XKR4: variants seen among roughly 807,000 people sequenced by gnomAD.
XKR4 encodes XK-related protein 4.
Under a neutral mutation model 53.9 loss-of-function variants are expected in XKR4, and 12 were observed. The observed-to-expected ratio is 0.22, with a 90% CI of 0.14 to 0.36. XKR4 has a LOEUF of 0.36. Ranked by LOEUF, XKR4 falls within the 10% of genes least tolerant of loss-of-function variation. The pLI, the probability that XKR4 is intolerant of heterozygous loss-of-function variation, is 1.00. For synonymous variants in XKR4, 354 were observed against 362.4 expected (o/e 0.98, Z 0.26); for missense variants, 799 against 859.5 (o/e 0.93, Z 0.88).
intron 2 of XKR4, among the ~76,000 whole-genome samples, chr8:55,388,179 CT>C (rs1479669779): frequency 6.6e-6 from 1 of 152,114 alleles, no homozygotes; most frequent in Non-Finnish European, 1.5e-5. Context: ...AAACATTTAC[CT>C]TCTTTTCATT....
chr8:55,424,586 GTTC>G (rs1264772480), intron 2 of XKR4, among the ~76,000 whole-genome samples: 1 of 152,200 alleles, frequency 6.6e-6, no homozygotes, highest in Non-Finnish European at 1.5e-5. Flanking sequence ...CAACTGGCAG[GTTC>G]TTCTGCCACG....
intron 2 of XKR4, among the ~76,000 whole-genome samples, chr8:55,403,901 G>A (rs763945518): frequency 6.6e-6 from 1 of 152,150 alleles, no homozygotes; most frequent in Non-Finnish European, 1.5e-5. Flanking sequence ...ATCACATCCC[G>A]GAAGCTCATA....
At chr8:55,457,145 T>C (rs1044257435) in intron 2 of XKR4, among the ~76,000 whole-genome samples, 5 of 128,986 alleles carry the variant, frequency 3.9e-5, no homozygotes, top group African/African-American at 1.4e-4. Flanking sequence ...TTTTTCCTTT[T>C]CTTTTTTTTT....
chr8:55,409,229 C>G (rs1295066993), intron 2 of XKR4, among the ~76,000 whole-genome samples: 2 of 148,420 alleles, frequency 1.3e-5, no homozygotes, highest in African/African-American at 5.0e-5. Flanking sequence ...TGGCAGGCAG[C>G]AAGCAGGCAC....
intron 1 of XKR4, among the ~76,000 whole-genome samples, chr8:55,338,562 T>A (rs1192044141): frequency 6.6e-6 from 1 of 152,186 alleles, no homozygotes; most frequent in Non-Finnish European, 1.5e-5. Context: ...GACACCCTCT[T>A]ATTTACACAT....
At chr8:55,428,206 T>A (rs1379509033) in intron 2 of XKR4, among the ~76,000 whole-genome samples, 1 of 152,174 alleles carries the variant, frequency 6.6e-6, no homozygotes. Context: ...AAGAAAACTC[T>A]GAACAGTATA....
intron 1 of XKR4, among the ~76,000 whole-genome samples, chr8:55,150,356 G>T (rs750488862): frequency 1.3e-5 from 2 of 152,190 alleles, no homozygotes; most frequent in Non-Finnish European, 2.9e-5. Context: ...GTATGTTTTA[G>T]TATATGGGTT....
At chr8:55,256,690 A>C (rs570659564) in intron 1 of XKR4, among the ~76,000 whole-genome samples, 1 of 152,292 alleles carries the variant, frequency 6.6e-6, no homozygotes, top group African/African-American at 2.4e-5. Flanking sequence ...ACTAAATGCT[A>C]AAGGTGGTGG....
intron 1 of XKR4, among the ~76,000 whole-genome samples, chr8:55,215,311 T>C (rs938561439): frequency 6.6e-6 from 1 of 152,228 alleles, no homozygotes; most frequent in Non-Finnish European, 1.5e-5. Flanking sequence ...ATAATAAAGC[T>C]TTTTCTGGAA....
At chr8:55,314,217 AT>A (rs764801110) in intron 1 of XKR4, among the ~76,000 whole-genome samples, 3 of 152,314 alleles carry the variant, frequency 2.0e-5, no homozygotes, top group Non-Finnish European at 4.4e-5. Flanking sequence ...TGTGAGTCAA[AT>A]TATGAGCCAA....
At chr8:55,149,339 A>G (rs947868061) in intron 1 of XKR4, among the ~76,000 whole-genome samples, 1 of 152,310 alleles carries the variant, frequency 6.6e-6, no homozygotes. Flanking sequence ...ATGAAAAAAT[A>G]TAATACTAGA....
chr8:55,443,751 G>A (rs1056197985), intron 2 of XKR4, among the ~76,000 whole-genome samples: 1 of 148,384 alleles, frequency 6.7e-6, no homozygotes, highest in African/African-American at 2.5e-5. Flanking sequence ...TGAGGCAAGG[G>A]AATCACTTGA....
At chr8:55,515,017 C>A (rs1806689538) in intron 2 of XKR4, among the ~76,000 whole-genome samples, 1 of 152,140 alleles carries the variant, frequency 6.6e-6, no homozygotes, top group Admixed American at 6.5e-5. Context: ...TTTTCCCAAC[C>A]AGAAGGAAAT....
At chr8:55,423,473 C>G (rs1804967933) in intron 2 of XKR4, among the ~76,000 whole-genome samples, 1 of 152,088 alleles carries the variant, frequency 6.6e-6, no homozygotes, top group Admixed American at 6.6e-5. Context: ...AAAACGTGGC[C>G]CCTGCTTATT....
chr8:55,363,842 T>A (rs889282068), intron 2 of XKR4, among the ~76,000 whole-genome samples: 25 of 152,196 alleles, frequency 1.6e-4, no homozygotes, highest in African/African-American at 4.8e-4. Flanking sequence ...GTTGCTATTA[T>A]CGTAGTTAAT....
chr8:55,216,104 G>A (rs951292360), intron 1 of XKR4, among the ~76,000 whole-genome samples: 5 of 152,114 alleles, frequency 3.3e-5, no homozygotes, highest in Non-Finnish European at 7.4e-5. Flanking sequence ...TTTTTATAGA[G>A]GAATTAATTA....
chr8:55,348,575 TG>T (rs1370877994), intron 1 of XKR4, among the ~76,000 whole-genome samples: 1 of 151,876 alleles, frequency 6.6e-6, no homozygotes, highest in Non-Finnish European at 1.5e-5. Context: ...GAAGTGGACA[TG>T]GGGTTACAAT....
intron 1 of XKR4, chr8:55,142,356 AT>A (rs1240443462): frequency 5.6e-6 from 2 of 356,088 alleles, no homozygotes; most frequent in African/African-American, 4.3e-5. Context: ...CCTCATCCTG[AT>A]TAACGGTCTG....
At chr8:55,444,336 C>A (rs1204078798) in intron 2 of XKR4, among the ~76,000 whole-genome samples, 1 of 152,064 alleles carries the variant, frequency 6.6e-6, no homozygotes, top group African/African-American at 2.4e-5. Context: ...CTTAAAATTA[C>A]AGAAAATGAA....
Sources: allele counts gnomAD v4.1 joint callset (sites outside exome capture counted in the v4.1 genomes callset), GRCh38; gene constraint gnomAD v4.1.1; transcripts MANE v1.5; gene names NCBI Gene and HGNC (gene_info 2026-07-23, HGNC 2026-07-21).